Variants in TF observed in about 807,000 individuals in gnomAD.
TF encodes transferrin.
TF carries 55 observed loss-of-function variants against 82.4 expected under a neutral mutation model. The ratio of observed to expected loss-of-function variants is 0.67; its 90% CI spans 0.54 to 0.84. The LOEUF (loss-of-function observed/expected upper bound fraction) is 0.84, where lower values mean the gene tolerates loss of function less well. TF is among the 40% of genes least tolerant of loss of function. The pLI is 0.00. For missense variants in TF, 737 were observed against 868.4 expected, an observed-to-expected ratio of 0.85 and a Z score of 1.90; for synonymous variants, 332 against 332.6, an observed-to-expected ratio of 1.00 and a Z score of 0.02.
In TF at chr3:133,795,074, G is replaced by A. The variant is rs1394965707; in HGVS notation, c.*16454G>A. ...CTTAAGAAAGTTATGCTAAATAATA[G>A]AGTTGGCTAAACAGAAGAGTATCTG... On this transcript the variant is annotated 3_prime_UTR_variant, in exon 17 of 17. Transcript: ENST00000402696. The A allele has an allele frequency of 6.6e-6, 1 of 152,184 alleles. No homozygotes were observed. The highest frequency in any genetic ancestry group is 1.5e-5 in the Non-Finnish European group (1 of 68,032). 9.4% of individuals were successfully genotyped at this position (152,184 alleles called of 1,614,324 possible).
intron 16 of TF, 70 bp downstream of exon 16, chr3:133,777,308 T>C: frequency 6.7e-7 from 1 of 1,502,516 alleles, no homozygotes. Context: ...GGTGGGTGGG[T>C]ACAGGAGGGG....
the TF span, among the ~76,000 whole-genome samples, chr3:133,717,752 A>G: frequency 3.3e-5 from 5 of 152,186 alleles, no homozygotes; most frequent in Non-Finnish European, 5.9e-5. Flanking sequence ...AAAAGTAACA[A>G]TGCTTGAGGG....
intron 16 of TF, chr3:133,778,281 T>G: frequency 2.8e-6 from 1 of 355,616 alleles, no homozygotes; most frequent in South Asian, 2.4e-5. Flanking sequence ...GGGAGGACAG[T>G]CTTCCTGGGC....
the TF span, among the ~76,000 whole-genome samples, chr3:133,734,940 G>A: frequency 6.6e-6 from 1 of 152,310 alleles, no homozygotes; most frequent in East Asian, 1.9e-4. Flanking sequence ...GCTGCTAATT[G>A]TTTAGAGTGA....
At chr3:133,744,512 A>T (rs564406450), upstream of TF, among the ~76,000 whole-genome samples, 1 of 152,314 alleles carries the variant, frequency 6.6e-6, no homozygotes, top group South Asian at 2.1e-4. Context: ...AAGGTCTCCA[A>T]ATGAATCCAG....
chr3:133,702,236 C>T, the TF span, among the ~76,000 whole-genome samples: 1 of 152,104 alleles, frequency 6.6e-6, no homozygotes, highest in Non-Finnish European at 1.5e-5. Flanking sequence ...CCCACAGGCC[C>T]CTCCAGCTCT....
Position 133,778,779 on chromosome 3 carries a change from GAT to G in TF, c.*160_*161del. 1 of 638,226 alleles carries G rather than the reference GAT, an allele frequency of 1.6e-6. No homozygotes were observed. Among genetic ancestry groups the G allele is most frequent in the East Asian group, 3.3e-5 (1 of 30,362 alleles). The allele number at this position is 638,226 out of a possible 1,614,324, so 39.5% of individuals were successfully genotyped here. A position where few individuals can be genotyped will look rare whatever the true frequency, so the allele number is the denominator to read the frequency against. On this transcript the variant is annotated 3_prime_UTR_variant, in exon 17 of 17. Transcript: ENST00000402696. The stretch of plus-strand genomic sequence containing the variant: ...TGAACAAAAAATAAAAATTATTATT[GAT>G]TTTATATTTCAAAAACTCCATTCTT...
chr3:133,674,253 T>C, the TF span, among the ~76,000 whole-genome samples: 1 of 152,166 alleles, frequency 6.6e-6, no homozygotes, highest in Non-Finnish European at 1.5e-5. Context: ...AACCTGCGTA[T>C]AGCAACTCAC....
chr3:133,714,563 G>T, the TF span, among the ~76,000 whole-genome samples: 4 of 152,158 alleles, frequency 2.6e-5, no homozygotes. Context: ...AGGCTTGATG[G>T]TCTGTCTAGA....
intron 5 of TF, chr3:133,755,882 C>A: frequency 2.3e-6 from 1 of 434,744 alleles, no homozygotes; most frequent in South Asian, 2.4e-5. Flanking sequence ...CTGCCTGTCT[C>A]CTGCCCCCAT....
intron 6 of TF, 75 bp downstream of exon 6, chr3:133,756,412 C>A: frequency 1.4e-6 from 2 of 1,475,426 alleles, no homozygotes; most frequent in South Asian, 1.2e-5. Flanking sequence ...CTTTTTCATG[C>A]TCAGTAATTG....
the TF span, chr3:133,688,256 G>C: frequency 6.5e-6 from 1 of 153,242 alleles, no homozygotes; most frequent in African/African-American, 2.4e-5. Flanking sequence ...ACGAGGCCAC[G>C]AAGTGCACCA....
At chr3:133,683,718 T>G in the TF span, among the ~76,000 whole-genome samples, 1 of 152,174 alleles carries the variant, frequency 6.6e-6, no homozygotes, top group Non-Finnish European at 1.5e-5. Context: ...CTTAGAGACC[T>G]ACAAAGAGAC....
the TF span, among the ~76,000 whole-genome samples, chr3:133,671,771 C>T: frequency 1.5e-5 from 2 of 137,224 alleles, no homozygotes; most frequent in African/African-American, 2.8e-5. Flanking sequence ...CCAGCCTGGG[C>T]GATAGAGTGA....
chr3:133,741,406 T>A (rs1306018563), upstream of TF, among the ~76,000 whole-genome samples: 1 of 152,196 alleles, frequency 6.6e-6, no homozygotes, highest in East Asian at 1.9e-4. Context: ...TTTTACTTAC[T>A]ATTTCTTTTT....
chr3:133,708,406 T>C, the TF span, among the ~76,000 whole-genome samples: 1 of 152,142 alleles, frequency 6.6e-6, no homozygotes, highest in Non-Finnish European at 1.5e-5. Context: ...TGTGGGTGCA[T>C]GTATGTAGAC....
intron 14 of TF, chr3:133,775,154 T>A: frequency 2.0e-6 from 1 of 502,798 alleles, no homozygotes; most frequent in South Asian, 2.1e-5. Flanking sequence ...ATTGAAGATC[T>A]TTTTGAACAG....
At chr3:133,757,451 C>G (rs1381290206) in intron 7 of TF, among the ~76,000 whole-genome samples, 1 of 152,222 alleles carries the variant, frequency 6.6e-6, no homozygotes, top group Non-Finnish European at 1.5e-5. Flanking sequence ...TCTTGCCGAG[C>G]CGTCCCATCT....
chr3:133,753,058 A>G (rs997476428), intron 2 of TF, among the ~76,000 whole-genome samples: 1 of 152,046 alleles, frequency 6.6e-6, no homozygotes, highest in African/African-American at 2.4e-5. Context: ...ATCTTCCCCC[A>G]GAAAAAAAAT....
Sources: allele counts gnomAD v4.1 joint callset (sites outside exome capture counted in the v4.1 genomes callset), GRCh38; gene constraint gnomAD v4.1.1; transcripts MANE v1.5; gene names NCBI Gene and HGNC (gene_info 2026-07-23, HGNC 2026-07-21).